Variants in CACUL1 observed in about 807,000 individuals in gnomAD.
The protein encoded by CACUL1 is CDK2 associated cullin domain 1.
In CACUL1, 13 loss-of-function variants were observed where a neutral mutation model predicts 45.2. The ratio of observed to expected loss-of-function variants is 0.29; its 90% confidence interval spans 0.19 to 0.46. CACUL1 has a LOEUF of 0.46. Ranked by LOEUF, CACUL1 falls within the 20% of genes least tolerant of loss-of-function variation. The pLI is 1.00. For missense variants in CACUL1, 421 were observed against 471.4 expected (o/e 0.89, Z 0.99); for synonymous variants, 197 against 174.2 (o/e 1.13, Z -1.03).
chr10:118,751,747 G>C lies in CACUL1; in HGVS notation c.367+2649C>G. On this transcript the variant is annotated intron_variant, in intron 1 of 8. Transcript: ENST00000369151. ...AGTTTGTCAAACCAAATGTAATTTT[G>C]ACGTCATTTAAACTGAATTTATAAA... is the stretch of plus-strand genomic sequence containing the variant. Among the ~76,000 whole-genome samples the C allele has an allele frequency of 1.3e-5, 2 of 152,138 alleles. 1 individual carries two copies. The highest frequency in any genetic ancestry group is 4.1e-4 in the South Asian group (2 of 4,834).
At chr10:118,722,496 T>G (rs959506656) in intron 3 of CACUL1, among the ~76,000 whole-genome samples, 3 of 152,144 alleles carry the variant, frequency 2.0e-5, no homozygotes, top group Non-Finnish European at 4.4e-5. Context: ...TGTCCAGCAC[T>G]TTGTCCAGCA....
At position 118,681,037 on chromosome 10, in the gene CACUL1, G is replaced by A. The variant is rs939526094; in HGVS notation, c.*5091C>T. 2 of 152,216 alleles carry A rather than the reference G, an allele frequency of 1.3e-5. No individual in the cohort carries two copies. Among genetic ancestry groups the A allele is most frequent in the Admixed American group, 6.5e-5 (1 of 15,288 alleles). 9.4% of individuals were successfully genotyped at this position (152,216 alleles called of 1,614,324 possible). On this transcript the variant is annotated 3_prime_UTR_variant, in exon 9 of 9. Coordinates refer to ENST00000369151, the MANE Select transcript of CACUL1 (RefSeq NM_153810.5). Reference sequence around the variant, plus strand: ...TTTACCACAATGTTTTAGAGTGAAAGTATATGCCCTAATACAGAAGGAGTG... The same window carrying A: ...TTTACCACAATGTTTTAGAGTGAAAATATATGCCCTAATACAGAAGGAGTG...
chr10:118,685,007 G>A lies in CACUL1; in HGVS notation c.*1121C>T, dbSNP rs1171230565. ...ACAGAAATATAGCTTTGCCACAGCTGGAAGGGAGCCTTAGGACAGCAGTGC... is the reference window on the plus strand; with the variant it reads ...ACAGAAATATAGCTTTGCCACAGCTAGAAGGGAGCCTTAGGACAGCAGTGC... On this transcript the variant is annotated 3_prime_UTR_variant, in exon 9 of 9. Coordinates refer to ENST00000369151, the MANE Select transcript of CACUL1 (RefSeq NM_153810.5). The A allele has an allele frequency of 6.6e-6, 1 of 152,204 alleles. No homozygotes were observed. Among genetic ancestry groups the A allele is most frequent in the Non-Finnish European group, 1.5e-5 (1 of 68,032 alleles). 9.4% of individuals were successfully genotyped at this position (152,204 alleles called of 1,614,324 possible).
At chr10:118,710,290 G>A (rs541403514) in intron 3 of CACUL1, among the ~76,000 whole-genome samples, 3 of 152,172 alleles carry the variant, frequency 2.0e-5, no homozygotes, top group East Asian at 1.9e-4. Context: ...TACAGATGAG[G>A]TGATTGGGGC....
At chr10:118,724,217 T>A (rs1845629436) in intron 3 of CACUL1, among the ~76,000 whole-genome samples, 1 of 152,208 alleles carries the variant, frequency 6.6e-6, no homozygotes, top group African/African-American at 2.4e-5. Flanking sequence ...ACAAGTGTTG[T>A]CAAAGCTCTA....
At position 118,680,579 on chromosome 10, in the gene CACUL1, G is replaced by C. The variant is rs1401212984; in HGVS notation, c.*5549C>G. On this transcript the variant is annotated 3_prime_UTR_variant, in exon 9 of 9. Coordinates refer to ENST00000369151, the MANE Select transcript of CACUL1 (RefSeq NM_153810.5). ...TAATTTCATAGCAAGAAAACACAAA[G>C]GGTTATAAAAAAGCATAGTACCAAT... The C allele has an allele frequency of 6.6e-6, 1 of 151,876 alleles. No individual in the cohort carries two copies. Among genetic ancestry groups the C allele is most frequent in the Non-Finnish European group, 1.5e-5 (1 of 67,952 alleles). 9.4% of individuals were successfully genotyped at this position (151,876 alleles called of 1,614,324 possible). A position where few individuals can be genotyped will look rare whatever the true frequency, so the allele number is the denominator to read the frequency against.
rs1177741748 is a variant in CACUL1 at position 118,695,371 on chromosome 10, T to G, written c.797-141A>C. 5 of 570,844 alleles carry G rather than the reference T, an allele frequency of 8.8e-6. No homozygotes were observed. The African/African-American group carries it at 9.5e-5, about 11-fold the overall frequency. 35.4% of individuals were successfully genotyped at this position (570,844 alleles called of 1,614,324 possible). On this transcript the variant is annotated intron_variant, in intron 5 of 8. Coordinates refer to ENST00000369151, the MANE Select transcript of CACUL1 (RefSeq NM_153810.5). ...CCAATAAACCAATCAAATGTTTATA[T>G]ACTAAGGATTTTATTTTTTTAATCC...
chr10:118,716,089 G>A (rs1054139405), intron 3 of CACUL1, among the ~76,000 whole-genome samples: 8 of 151,994 alleles, frequency 5.3e-5, no homozygotes, highest in Admixed American at 1.3e-4. Flanking sequence ...AAAATTAGCC[G>A]GGCGTGGTGG....
intron 7 of CACUL1, 83 bp downstream of exon 7, chr10:118,691,182 C>A: frequency 8.2e-7 from 1 of 1,224,992 alleles, no homozygotes; most frequent in Non-Finnish European, 1.2e-6. Context: ...ATTCTCAGAA[C>A]CTTACCATTT....
chr10:118,702,825 G>A (rs1459412560), intron 4 of CACUL1, among the ~76,000 whole-genome samples: 3 of 151,970 alleles, frequency 2.0e-5, no homozygotes, highest in African/African-American at 7.2e-5. Context: ...CAGGTGATCC[G>A]CCAGCCTCTG....
chr10:118,686,588 C>T lies in CACUL1; in HGVS notation c.1069+10G>A. ...GAACCATCAAGATGGGAAGGAACAT[C>T]ATTACTTACTATAAGCCAACTCATC... is the stretch of plus-strand genomic sequence containing the variant. On this transcript the variant is annotated intron_variant, in intron 8 of 8. Coordinates refer to ENST00000369151, the MANE Select transcript of CACUL1 (RefSeq NM_153810.5). 1 of 1,606,080 alleles carries T rather than the reference C, an allele frequency of 6.2e-7. No individual in the cohort carries two copies. Among genetic ancestry groups the T allele is most frequent in the South Asian group, 1.1e-5 (1 of 90,896 alleles).
intron 3 of CACUL1, among the ~76,000 whole-genome samples, chr10:118,710,294 T>C (rs1400204437): frequency 6.6e-6 from 1 of 152,124 alleles, no homozygotes; most frequent in Non-Finnish European, 1.5e-5. Context: ...GATGAGGTGA[T>C]TGGGGCTCAG....
intron 5 of CACUL1, among the ~76,000 whole-genome samples, chr10:118,699,054 TA>T (rs761864257): frequency 2.7e-4 from 41 of 152,240 alleles, no homozygotes; most frequent in Non-Finnish European, 5.7e-4. Context: ...GTAATGACTA[TA>T]CCTATCTTAT....
chr10:118,710,518 A>G (rs1845474625), intron 3 of CACUL1, among the ~76,000 whole-genome samples: 1 of 152,212 alleles, frequency 6.6e-6, no homozygotes, highest in African/African-American at 2.4e-5. Flanking sequence ...TCCCCAAAAG[A>G]CATAAGGCCT....
intron 1 of CACUL1, among the ~76,000 whole-genome samples, chr10:118,743,755 C>T (rs902558910): frequency 6.6e-6 from 1 of 151,164 alleles, no homozygotes; most frequent in Non-Finnish European, 1.5e-5. Context: ...AGAAACAATG[C>T]AGGTCAGAAG....
intron 3 of CACUL1, among the ~76,000 whole-genome samples, chr10:118,728,475 G>A (rs1845671997): frequency 6.6e-6 from 1 of 152,046 alleles, no homozygotes; most frequent in Admixed American, 6.6e-5. Flanking sequence ...AATTTTAGTA[G>A]AGACGGGGTT....
intron 5 of CACUL1, among the ~76,000 whole-genome samples, chr10:118,699,281 A>G (rs1162945165): frequency 6.6e-6 from 1 of 152,184 alleles, no homozygotes; most frequent in Non-Finnish European, 1.5e-5. Context: ...GTTTTTTCCA[A>G]TTTACCAAAG....
intron 1 of CACUL1, among the ~76,000 whole-genome samples, chr10:118,737,006 T>C (rs544937453): frequency 6.6e-6 from 1 of 152,244 alleles, no homozygotes; most frequent in South Asian, 2.1e-4. Context: ...TTTGTGTAAG[T>C]ATACCCTATG....
chr10:118,715,619 A>C (rs1346540529), intron 3 of CACUL1, among the ~76,000 whole-genome samples: 1 of 152,240 alleles, frequency 6.6e-6, no homozygotes, highest in East Asian at 1.9e-4. Flanking sequence ...TGTAATAGTT[A>C]CACATAACTA....
Sources: allele counts gnomAD v4.1 joint callset (sites outside exome capture counted in the v4.1 genomes callset), GRCh38; gene constraint gnomAD v4.1.1; transcripts MANE v1.5; gene names NCBI Gene and HGNC (gene_info 2026-07-23, HGNC 2026-07-21).